Variants in OPCML observed in about 807,000 individuals in gnomAD.
OPCML encodes the protein opioid binding protein/cell adhesion molecule like, also known as opioid-binding protein/cell adhesion molecule.
In OPCML, 13 loss-of-function variants were observed where a neutral mutation model predicts 37.8. That is an observed-to-expected ratio of 0.34 (90% CI 0.22 to 0.55). The LOEUF is 0.55. OPCML is among the 20% of genes least tolerant of loss of function. OPCML has a pLI of 0.91. For missense variants in OPCML, 341 were observed against 435.6 expected (o/e 0.78, Z 1.93); for synonymous variants, 176 against 168.8 (o/e 1.04, Z -0.33).
chr11:132,887,288 C>G (rs1943461042), intron 2 of OPCML, among the ~76,000 whole-genome samples: 2 of 152,196 alleles, frequency 1.3e-5, no homozygotes, highest in Non-Finnish European at 2.9e-5. Flanking sequence ...GTAGGCTATG[C>G]CATCTAGGTT....
chr11:132,642,149 C>T (rs1480407551), intron 3 of OPCML, among the ~76,000 whole-genome samples: 7 of 152,100 alleles, frequency 4.6e-5, no homozygotes, highest in Non-Finnish European at 7.3e-5. Flanking sequence ...TATTTCCTGG[C>T]ATAAGTAATA....
intron 2 of OPCML, among the ~76,000 whole-genome samples, chr11:132,663,923 C>G (rs986951164): frequency 6.6e-6 from 1 of 152,140 alleles, no homozygotes; most frequent in Non-Finnish European, 1.5e-5. Context: ...AGCTCCGCCT[C>G]CCGGGTTCAC....
At chr11:132,920,257 G>A (rs1364072216) in intron 2 of OPCML, among the ~76,000 whole-genome samples, 2 of 152,212 alleles carry the variant, frequency 1.3e-5, no homozygotes, top group Non-Finnish European at 2.9e-5. Flanking sequence ...ATGCTGCAAA[G>A]ACCTGGGAGT....
intron 3 of OPCML, among the ~76,000 whole-genome samples, chr11:132,536,527 T>C (rs1387881465): frequency 6.6e-6 from 1 of 152,206 alleles, no homozygotes; most frequent in East Asian, 1.9e-4. Context: ...TTTTACTTTA[T>C]TGTTGTTATT....
In OPCML at chr11:132,569,575, C is replaced by CA. The variant is rs57944997; in HGVS notation, c.380-40390dup. On this transcript the variant is annotated intron_variant, in intron 3 of 7. Coordinates refer to ENST00000524381, the MANE Select transcript of OPCML (RefSeq NM_001012393.5). ...ATTCTTCAGAATTAAGGAAAAACTT[C>CA]AATCTTCATAATGTGGCAGTAGGGG... Among the ~76,000 whole-genome samples the CA allele has an allele frequency of 0.012, 1,784 of 152,232 alleles. 123 individuals are homozygous for CA. The East Asian group carries it at 0.21, about 18-fold the overall frequency.
intron 2 of OPCML, among the ~76,000 whole-genome samples, chr11:132,806,343 C>T (rs1013677476): frequency 1.3e-5 from 2 of 152,094 alleles, no homozygotes; most frequent in Non-Finnish European, 2.9e-5. Flanking sequence ...AAAAACACAA[C>T]ACAACTGTTA....
intron 7 of OPCML, among the ~76,000 whole-genome samples, chr11:132,426,420 C>G (rs2095977750): frequency 6.6e-6 from 1 of 152,088 alleles, no homozygotes; most frequent in Admixed American, 6.6e-5. Context: ...TAGGTTTGTG[C>G]AAAAGTCATC....
At chr11:133,398,757 A>C (rs1362341101) in intron 1 of OPCML, among the ~76,000 whole-genome samples, 1 of 152,130 alleles carries the variant, frequency 6.6e-6, no homozygotes, top group African/African-American at 2.4e-5. Flanking sequence ...AATATTTCTC[A>C]ACCAGGCCTC....
intron 3 of OPCML, among the ~76,000 whole-genome samples, chr11:132,570,141 C>T (rs1359318535): frequency 1.3e-5 from 2 of 152,112 alleles, no homozygotes; most frequent in Non-Finnish European, 2.9e-5. Context: ...AAACTGTATG[C>T]CACAGGCCAA....
intron 1 of OPCML, among the ~76,000 whole-genome samples, chr11:133,222,222 G>A (rs909466311): frequency 6.6e-6 from 1 of 152,188 alleles, no homozygotes; most frequent in African/African-American, 2.4e-5. Context: ...ACCATGTGAA[G>A]GTGAGTGGAA....
At chr11:132,853,601 A>G (rs904655849) in intron 2 of OPCML, among the ~76,000 whole-genome samples, 4 of 152,204 alleles carry the variant, frequency 2.6e-5, no homozygotes, top group East Asian at 3.9e-4. Flanking sequence ...TTGCCTATTT[A>G]TAATGATTCC....
At chr11:132,806,001 A>G (rs957328580) in intron 2 of OPCML, among the ~76,000 whole-genome samples, 1 of 152,212 alleles carries the variant, frequency 6.6e-6, no homozygotes, top group Non-Finnish European at 1.5e-5. Context: ...TAAACATAAA[A>G]TAGACAATAG....
intron 1 of OPCML, among the ~76,000 whole-genome samples, chr11:133,484,593 G>T (rs1287108175): frequency 6.6e-6 from 1 of 152,092 alleles, no homozygotes; most frequent in Non-Finnish European, 1.5e-5. Flanking sequence ...AAAATAAGCA[G>T]AAACTTTTCA....
At chr11:133,176,767 C>T (rs1937607217) in intron 1 of OPCML, among the ~76,000 whole-genome samples, 1 of 152,152 alleles carries the variant, frequency 6.6e-6, no homozygotes, top group African/African-American at 2.4e-5. Context: ...TATAAATTAC[C>T]CAGCCTCAGG....
chr11:133,383,079 C>A (rs1182937430), intron 1 of OPCML, among the ~76,000 whole-genome samples: 1 of 152,188 alleles, frequency 6.6e-6, no homozygotes, highest in African/African-American at 2.4e-5. Context: ...ATAACACCAA[C>A]ATCCTCCTGG....
intron 3 of OPCML, among the ~76,000 whole-genome samples, chr11:132,576,831 G>A (rs2096452109): frequency 2.0e-5 from 3 of 152,118 alleles, no homozygotes; most frequent in African/African-American, 7.2e-5. Flanking sequence ...AGACAGCTGT[G>A]TTTCTGTCTG....
chr11:132,671,535 A>T (rs1294896929), intron 2 of OPCML, among the ~76,000 whole-genome samples: 1 of 152,150 alleles, frequency 6.6e-6, no homozygotes, highest in African/African-American at 2.4e-5. Context: ...GACTCTCTGA[A>T]CTGCTCCGAG....
chr11:133,435,833 C>G (rs1259485951), intron 1 of OPCML, among the ~76,000 whole-genome samples: 2 of 152,198 alleles, frequency 1.3e-5, no homozygotes, highest in Non-Finnish European at 2.9e-5. Context: ...CTAGCCCCAC[C>G]TCTCTAGAGG....
intron 1 of OPCML, among the ~76,000 whole-genome samples, chr11:132,985,381 TTTTCTTACTGG>T (rs1214929087): frequency 6.6e-6 from 1 of 152,170 alleles, no homozygotes; most frequent in Non-Finnish European, 1.5e-5. Context: ...AGAGTTCCCA[TTTTCTTACTGG>T]TTGTTAGTAA....
Sources: allele counts gnomAD v4.1 joint callset (sites outside exome capture counted in the v4.1 genomes callset), GRCh38; gene constraint gnomAD v4.1.1; transcripts MANE v1.5; gene names NCBI Gene and HGNC (gene_info 2026-07-23, HGNC 2026-07-21).